The following CMTM8 variants were observed in gnomAD, a reference collection of about 807,000 sequenced individuals.
CMTM8 encodes CKLF-like MARVEL transmembrane domain-containing protein 8.
CMTM8 carries 12 observed loss-of-function variants against 18.6 expected under a neutral mutation model. That is an observed-to-expected ratio of 0.65 (90% CI 0.41 to 1.05). The LOEUF (loss-of-function observed/expected upper bound fraction) is 1.05, where lower values mean the gene tolerates loss of function less well. CMTM8 is among the 50% of genes least tolerant of loss of function. The pLI, the probability that CMTM8 is intolerant of heterozygous loss-of-function variation, is 0.00. For missense variants in CMTM8, 217 were observed against 227.2 expected, an observed-to-expected ratio of 0.95 and a Z score of 0.29; for synonymous variants, 87 against 90.6, an observed-to-expected ratio of 0.96 and a Z score of 0.23.
chr3:32,346,397 C>T (rs893066502), intron 1 of CMTM8, among the ~76,000 whole-genome samples: 12 of 152,198 alleles, frequency 7.9e-5, no homozygotes, highest in African/African-American at 2.9e-4. Context: ...TCTCTCTTAG[C>T]TTGGGCTGCC....
intron 1 of CMTM8, among the ~76,000 whole-genome samples, chr3:32,308,387 A>G (rs1396306897): frequency 6.6e-6 from 1 of 152,252 alleles, no homozygotes; most frequent in Non-Finnish European, 1.5e-5. Context: ...ATATGTCTGC[A>G]TGGTTATGCT....
At chr3:32,357,651 GCCATA>G in intron 2 of CMTM8, 105 bp downstream of exon 2, 1 of 1,171,530 alleles carries the variant, frequency 8.5e-7, no homozygotes, top group Non-Finnish European at 1.2e-6. Context: ...AAAAGGTGGG[GCCATA>G]CCATGGAGAA....
intron 1 of CMTM8, among the ~76,000 whole-genome samples, chr3:32,351,201 CA>C (rs1328378864): frequency 1.3e-5 from 2 of 152,126 alleles, no homozygotes; most frequent in Non-Finnish European, 2.9e-5. Context: ...TATTGGAAGA[CA>C]CTGAAGACAC....
At chr3:32,276,721 ACCTTCTGTGTCTT>A (rs1702524757) in intron 1 of CMTM8, among the ~76,000 whole-genome samples, 1 of 152,042 alleles carries the variant, frequency 6.6e-6, no homozygotes, top group Admixed American at 6.5e-5. Flanking sequence ...TGGATGTTGC[ACCTTCTGTGTCTT>A]CCTTTATGCC....
In CMTM8 at chr3:32,312,448, A is replaced by G. The variant is rs147113135; in HGVS notation, c.148-44925A>G. 8.5e-4 allele frequency among the ~76,000 whole-genome samples: 128 copies of G among 151,478 alleles called. 1 individual carries two copies. The East Asian group carries it at 0.02, about 24-fold the overall frequency. ...AGGAAACACATTTACTGTAAAGGAT[A>G]TTACAAAGGATACAGATGAACAGCC... On this transcript the variant is annotated intron_variant, in intron 1 of 3. Coordinates refer to ENST00000307526, the MANE Select transcript of CMTM8 (RefSeq NM_178868.5).
In CMTM8 at chr3:32,311,041, C is replaced by T. The variant is rs76684661; in HGVS notation, c.148-46332C>T. Among the ~76,000 whole-genome samples the T allele has an allele frequency of 7.3e-3, 1,112 of 152,218 alleles. 16 individuals are homozygous for T. Among genetic ancestry groups the T allele is most frequent in the African/African-American group, 0.025 (1,055 of 41,510 alleles). ...CAGCAATGTAAATTACTAATGTAAACGACCTGGATGAATTTTAGACATTGT... is the reference window on the plus strand; with the variant it reads ...CAGCAATGTAAATTACTAATGTAAATGACCTGGATGAATTTTAGACATTGT... On this transcript the variant is annotated intron_variant, in intron 1 of 3. Transcript: ENST00000307526.
chr3:32,245,915 A>G (rs775701423), intron 1 of CMTM8, among the ~76,000 whole-genome samples: 1 of 152,096 alleles, frequency 6.6e-6, no homozygotes, highest in Non-Finnish European at 1.5e-5. Flanking sequence ...TCTCAGGTTC[A>G]AGCAATGCTC....
At chr3:32,284,027 G>A (rs11923084) in intron 1 of CMTM8, among the ~76,000 whole-genome samples, 17,916 of 152,280 alleles carry the variant, frequency 0.12, 1,116 homozygotes, top group Middle Eastern at 0.19. Context: ...CGAGGTGGGC[G>A]GATCACCTGA....
At chr3:32,306,299 T>C (rs1695714285) in intron 1 of CMTM8, among the ~76,000 whole-genome samples, 1 of 152,262 alleles carries the variant, frequency 6.6e-6, no homozygotes, top group Non-Finnish European at 1.5e-5. Flanking sequence ...GTGCAAGGCC[T>C]ATACTTGGAA....
chr3:32,337,934 A>G (rs1320169196), intron 1 of CMTM8, among the ~76,000 whole-genome samples: 1 of 150,118 alleles, frequency 6.7e-6, no homozygotes, highest in East Asian at 2.0e-4. Flanking sequence ...GTTGTGGCAG[A>G]GATCATGTGG....
chr3:32,328,980 A>G (rs1575178890), intron 1 of CMTM8, among the ~76,000 whole-genome samples: 1 of 152,228 alleles, frequency 6.6e-6, no homozygotes. Context: ...CTTATTCTAC[A>G]AGGCCATCAT....
chr3:32,304,965 G>A (rs1179044366), intron 1 of CMTM8, among the ~76,000 whole-genome samples: 3 of 152,206 alleles, frequency 2.0e-5, no homozygotes, highest in East Asian at 3.8e-4. Context: ...TCCCCATAGG[G>A]TAGTGAACTA....
chr3:32,247,540 G>C (rs2125529081), intron 1 of CMTM8, among the ~76,000 whole-genome samples: 1 of 152,062 alleles, frequency 6.6e-6, no homozygotes, highest in South Asian at 2.1e-4. Flanking sequence ...TGGCTAGGCT[G>C]GTCTCAAACT....
intron 1 of CMTM8, among the ~76,000 whole-genome samples, chr3:32,248,197 G>A (rs1463538678): frequency 2.6e-5 from 4 of 152,206 alleles, no homozygotes; most frequent in African/African-American, 9.6e-5. Flanking sequence ...TTCATATACT[G>A]CTAAAACAAA....
At chr3:32,318,008 T>A (rs1478866180) in intron 1 of CMTM8, among the ~76,000 whole-genome samples, 1 of 137,506 alleles carries the variant, frequency 7.3e-6, no homozygotes, top group African/African-American at 2.7e-5. Context: ...TGAGCCCAGG[T>A]CACGCCACTG....
At chr3:32,307,264 C>T (rs1173450196) in intron 1 of CMTM8, among the ~76,000 whole-genome samples, 8 of 152,138 alleles carry the variant, frequency 5.3e-5, no homozygotes, top group Admixed American at 4.6e-4. Context: ...CACTTGAAAC[C>T]GGAAGGTAGA....
At chr3:32,278,109 C>G (rs1702546710) in intron 1 of CMTM8, among the ~76,000 whole-genome samples, 1 of 152,184 alleles carries the variant, frequency 6.6e-6, no homozygotes, top group African/African-American at 2.4e-5. Flanking sequence ...TGCTTCATTT[C>G]CCACCATCCT....
At chr3:32,343,337 A>G (rs1040133253) in intron 1 of CMTM8, among the ~76,000 whole-genome samples, 1 of 152,190 alleles carries the variant, frequency 6.6e-6, no homozygotes, top group African/African-American at 2.4e-5. Flanking sequence ...AAAAGGTGCC[A>G]TCCTTGGAGA....
At chr3:32,361,288 T>TTGTTTTTTTTTGTTTTTG (rs1553608174) in intron 2 of CMTM8, among the ~76,000 whole-genome samples, 2 of 147,308 alleles carry the variant, frequency 1.4e-5, no homozygotes, top group East Asian at 3.9e-4. Context: ...GCCTAAGAGT[T>TTGTTTTTTTTTGTTTTTG]TTTTTTTCTT....
Sources: allele counts gnomAD v4.1 joint callset (sites outside exome capture counted in the v4.1 genomes callset), GRCh38; gene constraint gnomAD v4.1.1; transcripts MANE v1.5; gene names NCBI Gene and HGNC (gene_info 2026-07-23, HGNC 2026-07-21).